DPP6: variants seen among roughly 807,000 people sequenced by gnomAD.
The protein encoded by DPP6 is dipeptidyl peptidase like 6.
DPP6 carries 69 observed loss-of-function variants against 122.6 expected under a neutral mutation model. The observed-to-expected ratio is 0.56, with a 90% CI of 0.46 to 0.69. The LOEUF is 0.69. Among genes scored for constraint, DPP6 ranks in the 30% least tolerant of loss-of-function variants. DPP6 has a pLI of 0.00. For synonymous variants in DPP6, 418 were observed against 433.1 expected, an observed-to-expected ratio of 0.97 and a Z score of 0.43; for missense variants, 928 against 1,116.9, an observed-to-expected ratio of 0.83 and a Z score of 2.41.
chr7:154,340,233 G>A (rs557931104), intron 1 of DPP6, among the ~76,000 whole-genome samples: 49 of 152,320 alleles, frequency 3.2e-4, no homozygotes, highest in African/African-American at 1.1e-3. Context: ...TATGTAGAGA[G>A]TGGCAAAAAA....
chr7:154,348,119 C>T (rs1810551194), intron 1 of DPP6, among the ~76,000 whole-genome samples: 1 of 152,186 alleles, frequency 6.6e-6, no homozygotes, highest in Admixed American at 6.5e-5. Context: ...AAAGTTCTCC[C>T]ACTAGATGCA....
chr7:154,227,588 A>T (rs1585680737), intron 1 of DPP6, among the ~76,000 whole-genome samples: 1 of 152,184 alleles, frequency 6.6e-6, no homozygotes, highest in African/African-American at 2.4e-5. Context: ...AATATTAATA[A>T]TAACAAAAGT....
intron 1 of DPP6, among the ~76,000 whole-genome samples, chr7:154,023,318 G>GCACGCGCACGCACACACACACA (rs373378162): frequency 1.0e-4 from 13 of 129,528 alleles, no homozygotes; most frequent in African/African-American, 3.9e-4. Context: ...TTTCTTGTCT[G>GCACGCGCACGCACACACACACA]CACACACACA....
At chr7:153,967,998 T>C (rs1453919645) in intron 1 of DPP6, among the ~76,000 whole-genome samples, 2 of 151,126 alleles carry the variant, frequency 1.3e-5, no homozygotes, top group Admixed American at 6.6e-5. Context: ...GTTTTTGCTA[T>C]TGTGAGTAGT....
At chr7:154,392,427 C>CA (rs1441842537) in intron 1 of DPP6, among the ~76,000 whole-genome samples, 1 of 152,142 alleles carries the variant, frequency 6.6e-6, no homozygotes, top group Non-Finnish European at 1.5e-5. Context: ...AAGTACATGA[C>CA]AATACCGCAG....
chr7:154,259,412 AG>A (rs1328972805), intron 1 of DPP6, among the ~76,000 whole-genome samples: 1 of 152,232 alleles, frequency 6.6e-6, no homozygotes, highest in Non-Finnish European at 1.5e-5. Context: ...ACTAATATGC[AG>A]GTGTTTTGGA....
At chr7:154,711,278 A>T (rs189508875) in intron 7 of DPP6, among the ~76,000 whole-genome samples, 1 of 152,304 alleles carries the variant, frequency 6.6e-6, no homozygotes, top group African/African-American at 2.4e-5. Flanking sequence ...TAGTCTGGGC[A>T]TGGTGGCCCA....
At chr7:154,060,382 CA>C (rs1801595634) in intron 1 of DPP6, among the ~76,000 whole-genome samples, 5 of 127,508 alleles carry the variant, frequency 3.9e-5, no homozygotes, top group Non-Finnish European at 6.8e-5. Flanking sequence ...CTGGTTCCCC[CA>C]CTGGCTCTTA....
intron 1 of DPP6, among the ~76,000 whole-genome samples, chr7:154,151,514 G>A (rs1322146883): frequency 1.3e-5 from 2 of 152,238 alleles, no homozygotes; most frequent in Admixed American, 1.3e-4. Context: ...TGTTCGACGG[G>A]AAGCAGACAG....
chr7:154,526,761 T>A (rs1414010608), intron 3 of DPP6, among the ~76,000 whole-genome samples: 2 of 152,196 alleles, frequency 1.3e-5, no homozygotes, highest in Non-Finnish European at 1.5e-5. Flanking sequence ...ACCTTATTGC[T>A]TAAGAGCCAA....
chr7:154,486,698 T>C lies in DPP6; in HGVS notation c.457+11661T>C, dbSNP rs973747670. ...GTGAACCAGCTAGGGTTGGACCACC[T>C]TGGGGATGCAGCCCACTTCGCAGAG... On this transcript the variant is annotated intron_variant, in intron 3 of 25. Coordinates refer to ENST00000377770, the MANE Select transcript of DPP6 (RefSeq NM_130797.4). This position sits in a 1 kb window ranked among gnomAD's most constrained non-coding sequence, Gnocchi z 4.5. Among the ~76,000 whole-genome samples, 1 of 152,172 alleles carries C rather than the reference T, an allele frequency of 6.6e-6. No individual in the cohort carries two copies. The highest frequency in any genetic ancestry group is 2.4e-5 in the African/African-American group (1 of 41,448).
rs1455075924 is a variant in DPP6 at position 154,061,703 on chromosome 7, G to C, written c.243+8640G>C. ...CTCTTGGGACCACCATCGCAGGGGG[G>C]GAGGCAATCCCCGCGAGGCGGGGAC... is the stretch of plus-strand genomic sequence containing the variant. On this transcript the variant is annotated intron_variant, in intron 1 of 25. Transcript: ENST00000377770. Among the ~76,000 whole-genome samples the C allele has an allele frequency of 5.1e-4, 45 of 87,646 alleles. 2 individuals carry two copies. Among genetic ancestry groups the C allele is most frequent in the East Asian group, 4.0e-3 (9 of 2,240 alleles). 57.5% of individuals were successfully genotyped at this position (87,646 alleles called of 152,430 possible).
At chr7:154,685,762 G>A (rs1381208484) in intron 7 of DPP6, among the ~76,000 whole-genome samples, 2 of 152,210 alleles carry the variant, frequency 1.3e-5, no homozygotes, top group East Asian at 3.8e-4. Context: ...CCACGTTGTA[G>A]TTTACTTTGC....
intron 1 of DPP6, among the ~76,000 whole-genome samples, chr7:154,401,929 TG>T (rs1447165018): frequency 1.3e-5 from 2 of 152,070 alleles, no homozygotes; most frequent in African/African-American, 4.8e-5. Context: ...CATCAAAAAT[TG>T]GGCAAAGGAC....
chr7:153,908,036 T>G (rs1237458602), intron 1 of DPP6, among the ~76,000 whole-genome samples: 1 of 151,138 alleles, frequency 6.6e-6, no homozygotes, highest in African/African-American at 2.4e-5. Flanking sequence ...GAAGTTTTTT[T>G]TTTTTTTTTT....
chr7:154,732,099 C>T lies in DPP6; in HGVS notation c.883+4212C>T, dbSNP rs530558681. ...TGTCACCCAGGCTGGAGTGTAGTGG[C>T]GCAATCTCGGCTCACTGCAAGCTCC... On this transcript the variant is annotated intron_variant, in intron 8 of 25. Transcript: ENST00000377770. Among the ~76,000 whole-genome samples the T allele has an allele frequency of 1.1e-4, 17 of 151,472 alleles. No individual in the cohort carries two copies. The East Asian group carries it at 1.6e-3, about 14-fold the overall frequency.
intron 5 of DPP6, among the ~76,000 whole-genome samples, chr7:154,585,852 T>C (rs144834403): frequency 0.011 from 1,604 of 151,810 alleles, 13 homozygotes; most frequent in Non-Finnish European, 0.016. Flanking sequence ...ACTGTAATTC[T>C]GAAGGAGGGG....
At chr7:154,715,179 GC>G (rs1349001269) in intron 7 of DPP6, among the ~76,000 whole-genome samples, 1 of 152,072 alleles carries the variant, frequency 6.6e-6, no homozygotes, top group African/African-American at 2.4e-5. Flanking sequence ...TGAATCTCCT[GC>G]CTTAGCCTCC....
intron 16 of DPP6, among the ~76,000 whole-genome samples, chr7:154,828,678 G>C (rs1172146528): frequency 1.3e-5 from 2 of 152,214 alleles, no homozygotes; most frequent in Admixed American, 6.5e-5. Context: ...CATTATGCTA[G>C]AGTATGATCA....
Sources: allele counts gnomAD v4.1 joint callset (sites outside exome capture counted in the v4.1 genomes callset), GRCh38; gene constraint gnomAD v4.1.1; non-coding constraint Gnocchi (gnomAD v3.1); transcripts MANE v1.5; gene names NCBI Gene and HGNC (gene_info 2026-07-23, HGNC 2026-07-21).